Variants in SYNE2 observed in about 807,000 individuals in gnomAD.
The protein encoded by SYNE2 is nesprin-2.
SYNE2 carries 431 observed loss-of-function variants against 856.3 expected under a neutral mutation model. That is an observed-to-expected ratio of 0.50 (90% CI 0.47 to 0.55). The LOEUF is 0.55. Ranked by LOEUF, SYNE2 falls within the 20% of genes least tolerant of loss-of-function variation. The probability of loss-of-function intolerance (pLI) is 0.00; values close to 1 mark genes in which losing one functional copy is unlikely to be tolerated. For missense variants in SYNE2, 8,129 were observed against 8,023.2 expected, an observed-to-expected ratio of 1.01 and a Z score of -0.50; for synonymous variants, 2,923 against 2,872.3, an observed-to-expected ratio of 1.02 and a Z score of -0.56.
At position 63,932,355 on chromosome 14, in the gene SYNE2, C is replaced by T. The variant is rs899872672; in HGVS notation, c.80-8259C>T. On this transcript the variant is annotated intron_variant, in intron 2 of 115. Coordinates refer to ENST00000555002, the MANE Select transcript of SYNE2 (RefSeq NM_182914.3). ...CGAGATCGTGCCATTGCACTCCAGC[C>T]TGGGTGACAAGAGTGAAACTCCATC... 3.3e-5 allele frequency among the ~76,000 whole-genome samples: 5 copies of T among 152,270 alleles called. No homozygotes were observed. The East Asian group carries it at 9.7e-4, about 29-fold the overall frequency.
intron 1 of SYNE2, among the ~76,000 whole-genome samples, chr14:63,805,023 T>A (rs764291308): frequency 1.1e-4 from 17 of 152,314 alleles, no homozygotes; most frequent in Middle Eastern, 3.4e-3. Context: ...CTTGTTCTTG[T>A]CAGCTTTGTC....
chr14:64,085,370 T>G (rs892470249), intron 57 of SYNE2, among the ~76,000 whole-genome samples: 4 of 152,214 alleles, frequency 2.6e-5, no homozygotes, highest in African/African-American at 2.4e-5. Context: ...AAGTCTGGCC[T>G]GCATTCAAGG....
At chr14:64,030,846 C>A (rs559207102) in intron 44 of SYNE2, among the ~76,000 whole-genome samples, 170 bp from the exon 45 acceptor site, 2 of 152,112 alleles carry the variant, frequency 1.3e-5, no homozygotes, top group Non-Finnish European at 2.9e-5. Flanking sequence ...AGAATTTGAT[C>A]CAAGATGCAG....
At chr14:64,150,009 T>TTTC (rs2098225681) in intron 84 of SYNE2, among the ~76,000 whole-genome samples, 2 of 55,384 alleles carry the variant, frequency 3.6e-5, no homozygotes, top group African/African-American at 1.6e-4. Context: ...TTTCTTTTCT[T>TTTC]TTTTTTTTTT....
chr14:63,819,520 C>G (rs1024765658), intron 1 of SYNE2, among the ~76,000 whole-genome samples: 1 of 150,552 alleles, frequency 6.6e-6, no homozygotes, highest in African/African-American at 2.4e-5. Context: ...TGTGAGCCAC[C>G]ATGCCTGGCC....
intron 1 of SYNE2, among the ~76,000 whole-genome samples, chr14:63,887,655 G>GT (rs775641172): frequency 2.0e-4 from 30 of 151,360 alleles, no homozygotes; most frequent in East Asian, 1.4e-3. Context: ...CAAGGAACTG[G>GT]TTTTTTTTCC....
At chr14:64,145,323 G>A (rs1333992327) in intron 83 of SYNE2, among the ~76,000 whole-genome samples, 1 of 151,804 alleles carries the variant, frequency 6.6e-6, no homozygotes, top group Non-Finnish European at 1.5e-5. Context: ...AGATCACAAG[G>A]TCAGGTGTTT....
At chr14:64,016,206 T>C (rs895016199) in intron 32 of SYNE2, among the ~76,000 whole-genome samples, 1 of 152,210 alleles carries the variant, frequency 6.6e-6, no homozygotes, top group East Asian at 1.9e-4. Flanking sequence ...ACAAGAAATA[T>C]GGTTTTAGAC....
chr14:63,958,703 C>A (rs1314383947), intron 8 of SYNE2, among the ~76,000 whole-genome samples: 1 of 152,176 alleles, frequency 6.6e-6, no homozygotes, highest in East Asian at 1.9e-4. Flanking sequence ...TTAAGGCTCA[C>A]TCTCCTTGAT....
chr14:63,896,190 C>G (rs953642125), intron 1 of SYNE2, among the ~76,000 whole-genome samples: 8 of 152,188 alleles, frequency 5.3e-5, no homozygotes, highest in African/African-American at 1.9e-4. Context: ...CACAGTTTTT[C>G]TTGGTACTGA....
At chr14:64,069,939 G>C (rs1219240342) in intron 51 of SYNE2, among the ~76,000 whole-genome samples, 1 of 152,228 alleles carries the variant, frequency 6.6e-6, no homozygotes. Context: ...ACTGAGGCAG[G>C]ATTTGATAAA....
At chr14:64,131,274 G>T (rs1303093061) in intron 76 of SYNE2, among the ~76,000 whole-genome samples, 2 of 152,188 alleles carry the variant, frequency 1.3e-5, no homozygotes, top group African/African-American at 2.4e-5. Context: ...TAGGAGAAGG[G>T]ATTCACATAA....
chr14:64,118,347 A>G (rs950014190), intron 66 of SYNE2, among the ~76,000 whole-genome samples: 1 of 152,208 alleles, frequency 6.6e-6, no homozygotes, highest in African/African-American at 2.4e-5. Flanking sequence ...TGGGAAACTT[A>G]CTTCATCCAG....
chr14:63,961,621 C>G lies in SYNE2; in HGVS notation c.884C>G (p.Ala295Gly), dbSNP rs1242093412. The G allele has an allele frequency of 6.2e-7, 1 of 1,611,000 alleles. No homozygotes were observed. The highest frequency in any genetic ancestry group is 1.3e-5 in the African/African-American group (1 of 74,838). Reference sequence around the variant, plus strand: ...GATGCCCCTGGGACTGGAGAGGAGGCTCAGGTATGTTTTCATATGCATAAA... The same window carrying G: ...GATGCCCCTGGGACTGGAGAGGAGGGTCAGGTATGTTTTCATATGCATAAA... ...SKDAPGTGEE[A>G]QGKVKDAMGW... The change falls in exon 9 of 116, where the codon GCT (alanine) becomes GGT (glycine). Residue 295 changes from alanine to glycine, a missense_variant. Ala to Gly is a moderately conservative substitution (Grantham distance 60). Transcript: ENST00000555002.
At position 64,002,057 on chromosome 14, in the gene SYNE2, T is replaced by C. The variant is rs2096759211; in HGVS notation, c.3762T>C (p.Ala1254=). The C allele has an allele frequency of 1.9e-6, 3 of 1,612,944 alleles. No homozygotes were observed. The highest frequency in any genetic ancestry group is 2.7e-5 in the African/African-American group (2 of 75,056). Residue 1254 remains alanine, a synonymous_variant, in exon 29 of 116, where the codon GCT becomes GCC. Transcript: ENST00000555002. The part of the protein sequence containing the change: ...MAIQGFHLID[A]DRIYQHLRNI... ...TCCAGGGATTTCATCTCATTGATGC[T>C]GATCGCATCTATCAACACCTAAGGG...
upstream of SYNE2, among the ~76,000 whole-genome samples, chr14:63,850,860 T>A (rs1020100392): frequency 2.0e-5 from 3 of 152,174 alleles, no homozygotes; most frequent in African/African-American, 7.2e-5. Context: ...ATTGTAACAT[T>A]TTCTCCAGAG....
rs1161190658 is a variant in SYNE2 at position 64,081,488 on chromosome 14, G to A, written c.11392G>A (p.Glu3798Lys). 1.2e-6 allele frequency: 2 copies of A among 1,614,196 alleles called. No individual in the cohort carries two copies. Among genetic ancestry groups the A allele is most frequent in the South Asian group, 2.2e-5 (2 of 91,080 alleles). ...ATATAGTGACCTTCTGAAGAGCACT[G>A]AGGCTTGGATAGAAAATACCAGTCA... ...EEYSDLLKSTEAWIENTSHLL... is the reference protein window; with the variant it reads ...EEYSDLLKSTKAWIENTSHLL... Residue 3798 changes from glutamate to lysine, a missense_variant, in exon 57 of 116, where the codon GAG (glutamate) becomes AAG (lysine). By Grantham distance (56) the Glu-to-Lys change is moderately conservative. Transcript: ENST00000555002.
At chr14:63,847,559 G>A (rs1890268110) in intron 1 of SYNE2, among the ~76,000 whole-genome samples, 1 of 151,180 alleles carries the variant, frequency 6.6e-6, no homozygotes, top group Non-Finnish European at 1.5e-5. Context: ...GACTCCATAT[G>A]TGCTTGGGAA....
intron 1 of SYNE2, among the ~76,000 whole-genome samples, chr14:63,788,381 C>T (rs1257246758): frequency 2.6e-5 from 4 of 152,132 alleles, no homozygotes; most frequent in Non-Finnish European, 5.9e-5. Flanking sequence ...TGCTTATCAC[C>T]GGCTCCTTGG....
Sources: allele counts gnomAD v4.1 joint callset (sites outside exome capture counted in the v4.1 genomes callset), GRCh38; gene constraint gnomAD v4.1.1; transcripts MANE v1.5; gene names NCBI Gene and HGNC (gene_info 2026-07-23, HGNC 2026-07-21).